Variants in FAT3 observed in about 807,000 individuals in gnomAD.
The protein encoded by FAT3 is FAT atypical cadherin 3.
In FAT3, 95 loss-of-function variants were observed where a neutral mutation model predicts 310.2. The ratio of observed to expected loss-of-function variants is 0.31; its 90% CI spans 0.26 to 0.36. FAT3 has a LOEUF of 0.36. FAT3 is among the 10% of genes least tolerant of loss of function. The probability of loss-of-function intolerance (pLI) is 1.00; values close to 1 mark genes in which losing one functional copy is unlikely to be tolerated. For missense variants in FAT3, 5,408 were observed against 5,715.6 expected (o/e 0.95, Z 1.74); for synonymous variants, 2,314 against 2,192.9 (o/e 1.06, Z -1.54).
chr11:92,368,828 G>GTGTATATATATATATATATATA (rs1565263468), intron 2 of FAT3, among the ~76,000 whole-genome samples: 3 of 108,114 alleles, frequency 2.8e-5, no homozygotes, highest in African/African-American at 1.7e-4. Flanking sequence ...ATGTTTGTGT[G>GTGTATATATATATATATATATA]TATACATATA....
intron 9 of FAT3, among the ~76,000 whole-genome samples, 161 bp downstream of exon 9, chr11:92,793,138 C>T (rs910286669): frequency 3.3e-5 from 5 of 152,222 alleles, no homozygotes; most frequent in South Asian, 2.1e-4. Flanking sequence ...TGGTGGATAA[C>T]GTTCTTGATG....
intron 4 of FAT3, chr11:92,748,779 A>G (rs1442262878): frequency 6.6e-6 from 1 of 152,232 alleles, no homozygotes; most frequent in African/African-American, 2.4e-5. Flanking sequence ...AAGGGCAGAC[A>G]GTTTAATACT....
intron 3 of FAT3, among the ~76,000 whole-genome samples, chr11:92,634,604 G>A (rs1325113017): frequency 6.6e-6 from 1 of 152,180 alleles, no homozygotes; most frequent in African/African-American, 2.4e-5. Flanking sequence ...ACTTCAGCAA[G>A]CAGAGGTACT....
Position 92,800,897 on chromosome 11 carries a change from T to A in FAT3, c.7884T>A (p.Asp2628Glu), listed in dbSNP as rs765468132. Residue 2628 changes from aspartate (D) to glutamate (E), a missense_variant, in exon 10 of 28, where the codon GAT becomes GAA. By Grantham distance (45) the Asp-to-Glu change is conservative. Around this residue, in one of 5 missense-constraint regions of FAT3, gnomAD observed 4,588 missense variants for 4,809.8 expected, o/e 0.95. Coordinates refer to ENST00000525166, the MANE Select transcript of FAT3 (RefSeq NM_001367949.2). ...CTCAAGTTCAAGCCATAGATCCCGA[T>A]GATGGAGCAAATTCAAGGATTACTT... ...LVTQVQAIDP[D>E]DGANSRITYS... is the part of the protein sequence containing the mutation. 1.2e-6 allele frequency: 2 copies of A among 1,613,170 alleles called. No individual in the cohort carries two copies. The highest frequency in any genetic ancestry group is 1.3e-5 in the African/African-American group (1 of 74,934).
At chr11:92,367,510 G>T (rs1411831028) in intron 2 of FAT3, among the ~76,000 whole-genome samples, 1 of 152,122 alleles carries the variant, frequency 6.6e-6, no homozygotes, top group East Asian at 1.9e-4. Flanking sequence ...TGCAGTCCCA[G>T]CTAGTGGGGC....
At chr11:92,294,472 A>G (rs1946797389) in intron 1 of FAT3, among the ~76,000 whole-genome samples, 1 of 151,986 alleles carries the variant, frequency 6.6e-6, no homozygotes, top group African/African-American at 2.4e-5. Flanking sequence ...GAGATGAGCC[A>G]TTGCCAAGTC....
At chr11:92,357,553 T>C (rs1344018539) in intron 2 of FAT3, among the ~76,000 whole-genome samples, 1 of 152,208 alleles carries the variant, frequency 6.6e-6, no homozygotes, top group Non-Finnish European at 1.5e-5. Context: ...CCATTGTTTA[T>C]ATGGCTCTCC....
intron 1 of FAT3, among the ~76,000 whole-genome samples, chr11:92,252,807 G>A (rs1226667652): frequency 1.3e-5 from 2 of 152,074 alleles, no homozygotes; most frequent in Non-Finnish European, 2.9e-5. Context: ...ACTTGGCAAA[G>A]AATAAGCAAG....
At chr11:92,609,863 A>G (rs1279750536) in intron 3 of FAT3, among the ~76,000 whole-genome samples, 1 of 152,184 alleles carries the variant, frequency 6.6e-6, no homozygotes, top group East Asian at 1.9e-4. Flanking sequence ...TGGATAATTT[A>G]CATAAAACTA....
Position 92,364,237 on chromosome 11 carries a change from C to T in FAT3, c.3292+8833C>T, listed in dbSNP as rs201209358. Among the ~76,000 whole-genome samples, 63 of 152,198 alleles carry T rather than the reference C, an allele frequency of 4.1e-4. No individual in the cohort carries two copies. In the East Asian group the frequency reaches 5.8e-3, roughly 14 times the overall value. ...ATAATAGACATTTTCAATGGCTTAC[C>T]GGCCCATCAGGTCAGGGTCCTCATT... On this transcript the variant is annotated intron_variant, in intron 2 of 27. Coordinates refer to ENST00000525166, the MANE Select transcript of FAT3 (RefSeq NM_001367949.2).
intron 2 of FAT3, among the ~76,000 whole-genome samples, chr11:92,448,368 G>T (rs1385331549): frequency 6.6e-6 from 1 of 152,006 alleles, no homozygotes; most frequent in East Asian, 1.9e-4. Flanking sequence ...GCCAGTGTGT[G>T]GTTTTCTGGG....
chr11:92,619,641 T>A (rs1014229860), intron 3 of FAT3, among the ~76,000 whole-genome samples: 6 of 152,114 alleles, frequency 3.9e-5, no homozygotes, highest in Admixed American at 6.5e-5. Context: ...GTTATCCAAT[T>A]TGTTGTAATA....
chr11:92,681,975 C>G (rs1324878948), intron 3 of FAT3, among the ~76,000 whole-genome samples: 1 of 152,108 alleles, frequency 6.6e-6, no homozygotes, highest in South Asian at 2.1e-4. Flanking sequence ...GGAAACCATC[C>G]CTGTGCACTT....
intron 3 of FAT3, among the ~76,000 whole-genome samples, chr11:92,547,233 C>T (rs935404210): frequency 1.3e-5 from 2 of 152,170 alleles, no homozygotes; most frequent in African/African-American, 2.4e-5. Context: ...TTAATCCCAA[C>T]AGATGATTGA....
chr11:92,466,668 G>T (rs1422912079), intron 2 of FAT3, among the ~76,000 whole-genome samples: 1 of 150,126 alleles, frequency 6.7e-6, no homozygotes, highest in Non-Finnish European at 1.5e-5. Flanking sequence ...TGCCATGCTG[G>T]TGTGCTGCAC....
chr11:92,716,213 G>C (rs922802404), intron 4 of FAT3, among the ~76,000 whole-genome samples: 3 of 152,130 alleles, frequency 2.0e-5, no homozygotes, highest in Non-Finnish European at 4.4e-5. Flanking sequence ...TGATTGAATA[G>C]GAAGGAGTGA....
rs993863998 is a variant in FAT3 at position 92,801,134 on chromosome 11, A to C, written c.8121A>C (p.Ser2707=). 7.4e-6 allele frequency: 12 copies of C among 1,613,800 alleles called. No homozygotes were observed. Among genetic ancestry groups the C allele is most frequent in the Non-Finnish European group, 1.0e-5 (12 of 1,179,878 alleles). Residue 2707 remains serine (S), a synonymous_variant, in exon 10 of 28, where the codon TCA becomes TCC. Coordinates refer to ENST00000525166, the MANE Select transcript of FAT3 (RefSeq NM_001367949.2). The stretch of plus-strand genomic sequence containing the variant: ...TGCCCCCTGAAACGTTCTTGCCATC[A>C]TTCACCCAGTCTCAGTATTCCTTTA... ...HVLPPETFLP[S]FTQSQYSFTI...
intron 1 of FAT3, among the ~76,000 whole-genome samples, chr11:92,229,286 T>C (rs1207836090): frequency 1.3e-5 from 2 of 152,092 alleles, no homozygotes; most frequent in East Asian, 3.9e-4. Context: ...TGGGTCTTTG[T>C]TTTTTAATAT....
chr11:92,729,034 G>T (rs1186297440), intron 4 of FAT3, among the ~76,000 whole-genome samples: 2 of 152,176 alleles, frequency 1.3e-5, no homozygotes, highest in African/African-American at 4.8e-5. Flanking sequence ...CTACACAGGG[G>T]TTACATTGTT....
Sources: gnomAD v4.1 joint callset for allele counts (sites outside exome capture counted in the v4.1 genomes callset) on GRCh38, gnomAD v4.1.1 for gene constraint, gnomAD v4.1.1 regional missense constraint, MANE v1.5 for transcripts, NCBI Gene and HGNC (gene_info 2026-07-23, HGNC 2026-07-21) for gene names.